PCDHGB6: variants seen among roughly 807,000 people sequenced by gnomAD.
PCDHGB6 encodes the protein protocadherin gamma-B6.
PCDHGB6 carries 51 observed loss-of-function variants against 59.1 expected under a neutral mutation model. The ratio of observed to expected loss-of-function variants is 0.86; its 90% CI spans 0.69 to 1.09. The LOEUF (loss-of-function observed/expected upper bound fraction) is 1.09. Ranked by LOEUF, PCDHGB6 falls within the 50% of genes least tolerant of loss-of-function variation. The probability of loss-of-function intolerance (pLI) is 0.00; values close to 1 mark genes in which losing one functional copy is unlikely to be tolerated. For missense variants in PCDHGB6, 1,148 were observed against 1,205.1 expected (o/e 0.95, Z 0.70); for synonymous variants, 466 against 495.1 (o/e 0.94, Z 0.78).
rs1332359508 is a variant in PCDHGB6 at position 141,410,302 on chromosome 5, A to G, written c.2100A>G (p.Ser700=). The G allele has an allele frequency of 6.2e-7, 1 of 1,613,356 alleles. No individual in the cohort carries two copies. The highest frequency in any genetic ancestry group is 8.5e-7 in the Non-Finnish European group (1 of 1,179,422). The part of the protein sequence containing the change: ...FYLVVALALI[S]VLFLLAVILA... ...TGGTGGTGGCCTTGGCCTTAATCTC[A>G]GTGCTCTTCCTCCTCGCCGTGATTC... Residue 700 remains serine (S), a synonymous_variant, in exon 1 of 4, where the codon TCA becomes TCG. Transcript: ENST00000520790.
intron 1 of PCDHGB6, chr5:141,422,304 A>G: frequency 6.5e-7 from 1 of 1,548,524 alleles, no homozygotes; most frequent in Non-Finnish European, 8.7e-7. Context: ...CAATTCTGGA[A>G]AACTCTCCTC....
intron 3 of PCDHGB6, among the ~76,000 whole-genome samples, chr5:141,505,956 T>C (rs1177913983): frequency 6.6e-6 from 1 of 152,102 alleles, no homozygotes; most frequent in Non-Finnish European, 1.5e-5. Flanking sequence ...TGAAAGTGGG[T>C]GTAGAAATCC....
chr5:141,428,197 G>A, intron 1 of PCDHGB6: 3 of 1,385,968 alleles, frequency 2.2e-6, no homozygotes, highest in Non-Finnish European at 3.0e-6. Context: ...CGCTCTCTGC[G>A]CCGCTACGCT....
chr5:141,507,559 G>T (rs542787142), intron 3 of PCDHGB6, among the ~76,000 whole-genome samples: 1 of 152,368 alleles, frequency 6.6e-6, no homozygotes, highest in African/African-American at 2.4e-5. Flanking sequence ...GTGGCAGGCG[G>T]CTGGGTCTGA....
rs2095763034 is a variant in PCDHGB6, at chr5:141,414,586, A to G, written c.2418+3966A>G. 1.2e-6 allele frequency: 2 copies of G among 1,613,964 alleles called. No individual in the cohort carries two copies. The highest frequency in any genetic ancestry group is 8.5e-7 in the Non-Finnish European group (1 of 1,179,880). On this transcript the variant is annotated intron_variant, in intron 1 of 3. Transcript: ENST00000520790. ...TACCTATATCCCAGAGAACAACGCC[A>G]GGGGTGCCTCCATCTTCTCAGTGAC...
chr5:141,426,790 A>T, intron 1 of PCDHGB6: 1 of 456,732 alleles, frequency 2.2e-6, no homozygotes, highest in Middle Eastern at 3.3e-4. Flanking sequence ...CTCCAGAGTT[A>T]CCAGCTCAGT....
chr5:141,467,756 T>A (rs1312303182), intron 1 of PCDHGB6, among the ~76,000 whole-genome samples: 5 of 151,988 alleles, frequency 3.3e-5, no homozygotes, highest in African/African-American at 1.2e-4. Flanking sequence ...CCGCCTCACA[T>A]GCTCAAGTGC....
chr5:141,414,992 C>T, intron 1 of PCDHGB6: 2 of 1,613,770 alleles, frequency 1.2e-6, no homozygotes, highest in Non-Finnish European at 1.7e-6. Flanking sequence ...GGCCAGAACG[C>T]CTGGCTGTCC....
At chr5:141,433,358 C>CCTGCCTAT (rs1554125966) in intron 1 of PCDHGB6, 1 of 498,106 alleles carries the variant, frequency 2.0e-6, no homozygotes, top group Non-Finnish European at 3.5e-6. Flanking sequence ...CTACTGTCTG[C>CCTGCCTAT]CTATCTATCT....
In PCDHGB6 at chr5:141,477,681, T is replaced by G; in HGVS notation, c.2419-17126T>G. On this transcript the variant is annotated intron_variant, in intron 1 of 3. Transcript: ENST00000520790. This position sits in a 1 kb window ranked among gnomAD's most constrained non-coding sequence, Gnocchi z 4.9. ...CGTGACAATGGCATAGTGTCATCCT[T>G]AGTGCCCCTAGACTATGAGGATCGG... 1 of 1,614,180 alleles carries G rather than the reference T, an allele frequency of 6.2e-7. No individual in the cohort carries two copies. Among genetic ancestry groups the G allele is most frequent in the Non-Finnish European group, 8.5e-7 (1 of 1,180,046 alleles).
intron 1 of PCDHGB6, chr5:141,418,093 C>T: frequency 6.2e-7 from 1 of 1,614,032 alleles, no homozygotes; most frequent in East Asian, 2.2e-5. Flanking sequence ...TCAGCGTAGA[C>T]GCGCAGAGCG....
At chr5:141,452,412 T>G (rs1009940351) in intron 1 of PCDHGB6, among the ~76,000 whole-genome samples, 2 of 152,222 alleles carry the variant, frequency 1.3e-5, no homozygotes, top group Non-Finnish European at 2.9e-5. Context: ...GTGTGAGGTA[T>G]GCTCACTGCT....
intron 1 of PCDHGB6, among the ~76,000 whole-genome samples, chr5:141,425,605 A>G (rs1229246680): frequency 6.6e-6 from 1 of 152,230 alleles, no homozygotes; most frequent in Non-Finnish European, 1.5e-5. Context: ...TGCCCTATAT[A>G]GCTTTCAGTG....
intron 1 of PCDHGB6, among the ~76,000 whole-genome samples, chr5:141,425,922 A>G (rs1485934946): frequency 6.6e-6 from 1 of 152,240 alleles, no homozygotes; most frequent in Non-Finnish European, 1.5e-5. Context: ...TCACTACGAA[A>G]ACTCATAAAA....
chr5:141,495,323 G>C (rs1029646773), intron 2 of PCDHGB6, among the ~76,000 whole-genome samples: 2 of 152,214 alleles, frequency 1.3e-5, no homozygotes, highest in African/African-American at 4.8e-5. Context: ...AGCCGAGGCT[G>C]ACTGCAGCCT....
intron 1 of PCDHGB6, chr5:141,414,081 T>G: frequency 6.2e-7 from 1 of 1,601,774 alleles, no homozygotes; most frequent in Non-Finnish European, 8.5e-7. Context: ...ACAAATATAC[T>G]GGAGAAATAA....
chr5:141,409,235 C>A lies in PCDHGB6; in HGVS notation c.1033C>A (p.Pro345Thr), dbSNP rs1471024804. The A allele has an allele frequency of 6.2e-7, 1 of 1,613,832 alleles. No individual in the cohort carries two copies. The highest frequency in any genetic ancestry group is 2.2e-5 in the East Asian group (1 of 44,888). Residue 345 changes from proline (P) to threonine (T), a missense_variant, in exon 1 of 4, where the codon CCA becomes ACA. By Grantham distance (38) the Pro-to-Thr change is conservative. Transcript: ENST00000520790. ...AATCCTTGATGAAAACGACAACAGC[C>A]CAGAAATAATCATCACTTCTCTCTC... The part of the protein sequence containing the change: ...IEILDENDNS[P>T]EIIITSLSDQ...
intron 1 of PCDHGB6, chr5:141,414,279 A>G (rs1369675815): frequency 1.9e-6 from 3 of 1,613,350 alleles, no homozygotes; most frequent in Admixed American, 3.3e-5. Context: ...CTCTGGGAAC[A>G]GTCGTAGCCC....
At chr5:141,494,365 C>A (rs193174055) in intron 1 of PCDHGB6, among the ~76,000 whole-genome samples, 20 of 152,290 alleles carry the variant, frequency 1.3e-4, no homozygotes, top group Non-Finnish European at 2.2e-4. Context: ...GCAGAGGATG[C>A]TTTGTTCCCA....
Sources: allele counts gnomAD v4.1 joint callset (sites outside exome capture counted in the v4.1 genomes callset), GRCh38; gene constraint gnomAD v4.1.1; non-coding constraint Gnocchi (gnomAD v3.1); transcripts MANE v1.5; gene names NCBI Gene and HGNC (gene_info 2026-07-23, HGNC 2026-07-21).